Variants in ANKS1B observed in about 807,000 individuals in gnomAD.
The protein encoded by ANKS1B is ankyrin repeat and sterile alpha motif domain-containing protein 1B.
ANKS1B carries 36 observed loss-of-function variants against 148.3 expected under a neutral mutation model. The observed-to-expected ratio is 0.24, with a 90% CI of 0.19 to 0.32. ANKS1B has a LOEUF of 0.32. Ranked by LOEUF, ANKS1B falls within the 10% of genes least tolerant of loss-of-function variation. The pLI, the probability that ANKS1B is intolerant of heterozygous loss-of-function variation, is 1.00. For missense variants in ANKS1B, 1,157 were observed against 1,542.6 expected (o/e 0.75, Z 4.19); for synonymous variants, 542 against 560.8 (o/e 0.97, Z 0.47).
chr12:99,291,348 C>T (rs1406704252), intron 12 of ANKS1B, among the ~76,000 whole-genome samples: 4 of 152,054 alleles, frequency 2.6e-5, no homozygotes, highest in Non-Finnish European at 4.4e-5. Context: ...AATGCAATCC[C>T]TATCAAATAT....
intron 10 of ANKS1B, among the ~76,000 whole-genome samples, chr12:99,471,885 T>C (rs1210029261): frequency 6.6e-6 from 1 of 152,120 alleles, no homozygotes. Context: ...AAGAGTAAAC[T>C]AGCATGAAAT....
intron 17 of ANKS1B, among the ~76,000 whole-genome samples, chr12:98,862,137 G>A (rs563578838): frequency 1.3e-5 from 2 of 152,222 alleles, no homozygotes; most frequent in South Asian, 4.2e-4. Flanking sequence ...TCATCCCTCA[G>A]TGTAGTAAGA....
chr12:99,569,415 A>G (rs1270853020), intron 9 of ANKS1B, among the ~76,000 whole-genome samples: 1 of 152,196 alleles, frequency 6.6e-6, no homozygotes, highest in African/African-American at 2.4e-5. Flanking sequence ...CTCATCTTAA[A>G]AATAATAATA....
At chr12:98,753,423 C>A (rs4762508) in intron 25 of ANKS1B, among the ~76,000 whole-genome samples, 1 of 151,572 alleles carries the variant, frequency 6.6e-6, no homozygotes, top group East Asian at 1.9e-4. Context: ...CTGCCCCAAG[C>A]TTTCTTTTTT....
intron 10 of ANKS1B, among the ~76,000 whole-genome samples, chr12:99,448,094 G>A (rs980708803): frequency 2.0e-5 from 3 of 152,020 alleles, no homozygotes; most frequent in African/African-American, 7.2e-5. Context: ...CCATCCCACT[G>A]CTGGGTATAT....
chr12:99,757,121 C>T (rs2061642521), intron 8 of ANKS1B, among the ~76,000 whole-genome samples: 2 of 151,882 alleles, frequency 1.3e-5, no homozygotes, highest in South Asian at 4.1e-4. Context: ...AAACTAAAGA[C>T]TTCTGCACAG....
intron 15 of ANKS1B, among the ~76,000 whole-genome samples, chr12:99,150,379 T>G (rs183089674): frequency 1.3e-5 from 2 of 152,216 alleles, no homozygotes; most frequent in East Asian, 3.9e-4. Flanking sequence ...GCATGCCAAA[T>G]GTATTTTTTT....
chr12:99,066,474 G>C (rs546288867), intron 16 of ANKS1B, among the ~76,000 whole-genome samples: 10 of 152,314 alleles, frequency 6.6e-5, no homozygotes, highest in African/African-American at 2.2e-4. Context: ...TTGGAGCAGT[G>C]TGTGTGCACA....
chr12:98,754,664 A>T (rs17815383), intron 25 of ANKS1B, among the ~76,000 whole-genome samples: 5 of 152,232 alleles, frequency 3.3e-5, no homozygotes, highest in Non-Finnish European at 7.3e-5. Flanking sequence ...AGTTACTGAA[A>T]GCGAGATCTA....
intron 8 of ANKS1B, among the ~76,000 whole-genome samples, chr12:99,766,356 G>A (rs1489723171): frequency 2.0e-5 from 3 of 152,084 alleles, no homozygotes; most frequent in Non-Finnish European, 4.4e-5. Flanking sequence ...TAAAAAGCAA[G>A]TGTGCTAGAA....
chr12:99,391,920 T>G (rs1396668819), intron 12 of ANKS1B, among the ~76,000 whole-genome samples: 2 of 152,024 alleles, frequency 1.3e-5, no homozygotes. Context: ...TACATCTATA[T>G]GCAGCATTTG....
chr12:99,710,384 ATAG>A (rs1448549034), intron 8 of ANKS1B, among the ~76,000 whole-genome samples: 3 of 152,274 alleles, frequency 2.0e-5, no homozygotes, highest in African/African-American at 7.2e-5. Context: ...AATTAAAGAA[ATAG>A]CTGTTGGTGT....
At chr12:99,584,121 C>T (rs1160879185) in intron 9 of ANKS1B, among the ~76,000 whole-genome samples, 1 of 152,094 alleles carries the variant, frequency 6.6e-6, no homozygotes, top group Non-Finnish European at 1.5e-5. Flanking sequence ...AGGAGATAAA[C>T]ACAGAAAGAA....
At chr12:99,507,879 C>T (rs998972927) in intron 9 of ANKS1B, among the ~76,000 whole-genome samples, 2 of 151,654 alleles carry the variant, frequency 1.3e-5, no homozygotes, top group African/African-American at 4.8e-5. Context: ...AGAATATTAC[C>T]ATTGTATCAT....
At chr12:99,890,142 A>T (rs2093020665) in intron 1 of ANKS1B, among the ~76,000 whole-genome samples, 1 of 152,148 alleles carries the variant, frequency 6.6e-6, no homozygotes, top group African/African-American at 2.4e-5. Flanking sequence ...ATTATAATAG[A>T]TACCGTGATG....
At chr12:98,917,793 G>C (rs781485396) in intron 17 of ANKS1B, among the ~76,000 whole-genome samples, 15 of 152,166 alleles carry the variant, frequency 9.9e-5, no homozygotes, top group Non-Finnish European at 1.9e-4. Context: ...AGGAGGAAGG[G>C]AGGCTAAGAA....
chr12:99,050,625 T>C (rs1201437495), intron 17 of ANKS1B, among the ~76,000 whole-genome samples: 2 of 152,198 alleles, frequency 1.3e-5, no homozygotes, highest in East Asian at 1.9e-4. Flanking sequence ...TCTCCCTGTA[T>C]TGAAGCCAGA....
intron 8 of ANKS1B, among the ~76,000 whole-genome samples, chr12:99,657,161 C>G (rs2153448122): frequency 6.6e-6 from 1 of 152,228 alleles, no homozygotes; most frequent in Non-Finnish European, 1.5e-5. Context: ...ATTCACACAA[C>G]AGCCATTTGA....
At chr12:99,641,438 C>T (rs2098303937) in intron 9 of ANKS1B, among the ~76,000 whole-genome samples, 2 of 152,068 alleles carry the variant, frequency 1.3e-5, no homozygotes, top group Non-Finnish European at 2.9e-5. Flanking sequence ...ATTTACAGTA[C>T]CTGGCACAAA....
Sources: gnomAD v4.1 joint callset for allele counts (sites outside exome capture counted in the v4.1 genomes callset) on GRCh38, gnomAD v4.1.1 for gene constraint, MANE v1.5 for transcripts, NCBI Gene and HGNC (gene_info 2026-07-23, HGNC 2026-07-21) for gene names.